MYBPC2: variants seen among roughly 807,000 people sequenced by gnomAD.
The protein encoded by MYBPC2 is myosin-binding protein C, fast-type.
Under a neutral mutation model 137.0 loss-of-function variants are expected in MYBPC2, and 122 were observed. That is an observed-to-expected ratio of 0.89 (90% CI 0.77 to 1.03). MYBPC2 has a LOEUF of 1.03. Ranked by LOEUF, MYBPC2 falls within the 50% of genes least tolerant of loss-of-function variation. MYBPC2 has a pLI of 0.00. For synonymous variants in MYBPC2, 626 were observed against 612.3 expected (o/e 1.02, Z -0.33); for missense variants, 1,500 against 1,534.4 (o/e 0.98, Z 0.37).
At chr19:50,459,031 G>A (rs1222760996) in intron 22 of MYBPC2, 25 bp downstream of exon 22, 1 of 1,591,836 alleles carries the variant, frequency 6.3e-7, no homozygotes, top group Non-Finnish European at 8.5e-7. Flanking sequence ...GTCACGGGCC[G>A]GGGGTCCGCT....
intron 12 of MYBPC2, among the ~76,000 whole-genome samples, chr19:50,447,940 C>T (rs768163314): frequency 5.3e-5 from 8 of 152,134 alleles, no homozygotes; most frequent in Non-Finnish European, 1.2e-4. Flanking sequence ...TGCCCGGCCA[C>T]CTCAGGGCCT....
chr19:50,442,190 A>C lies in MYBPC2; in HGVS notation c.779A>C (p.Lys260Thr), dbSNP rs779390330. 3 of 1,593,564 alleles carry C rather than the reference A, an allele frequency of 1.9e-6. No homozygotes were observed. The part of the protein sequence containing the change: ...VEVKKSAAFT[K>T]KLDPAYQVDR... ...ATGCCTCAATCTTCAGCATTCACAA[A>C]GAAGCTGGATCCAGCCTACCAAGTG... is the stretch of plus-strand genomic sequence containing the variant. The change falls in exon 9 of 28, where the codon AAG becomes ACG. Residue 260 changes from lysine (K) to threonine (T), a missense_variant. Lys to Thr is a moderately conservative substitution (Grantham distance 78). Transcript: ENST00000357701.
intron 7 of MYBPC2, among the ~76,000 whole-genome samples, chr19:50,439,526 A>G (rs56061698): frequency 0.32 from 46,693 of 144,334 alleles, 7,580 homozygotes; most frequent in Middle Eastern, 0.36. Flanking sequence ...CCTCCCGTCT[A>G]CTAGGTCCTG....
chr19:50,455,350 C>A, intron 19 of MYBPC2, 54 bp downstream of exon 19: 1 of 1,582,890 alleles, frequency 6.3e-7, no homozygotes, highest in African/African-American at 1.3e-5. Flanking sequence ...CACTCTGATC[C>A]ATCAACCCCG....
intron 12 of MYBPC2, among the ~76,000 whole-genome samples, chr19:50,446,773 T>C (rs1271391721): frequency 6.7e-6 from 1 of 148,780 alleles, no homozygotes; most frequent in Non-Finnish European, 1.5e-5. Flanking sequence ...TGAGCCGAGA[T>C]TGCACACTGC....
intron 20 of MYBPC2, among the ~76,000 whole-genome samples, 193 bp downstream of exon 20, chr19:50,455,837 C>G (rs772660809): frequency 6.6e-6 from 1 of 152,218 alleles, no homozygotes; most frequent in Non-Finnish European, 1.5e-5. Context: ...TTCTTCCTTT[C>G]TACATCCATC....
rs1438592417 is a variant in MYBPC2, at chr19:50,445,954, G to A, written c.1208G>A (p.Arg403His). 2.0e-5 allele frequency: 32 copies of A among 1,612,300 alleles called. No homozygotes were observed. The highest frequency in any genetic ancestry group is 1.5e-4 in the Admixed American group (9 of 59,770). ...ARYRFKKDGK[R>H]HILIFSDVVQ... ...TACCGCTTCAAGAAGGACGGGAAGC[G>A]CCACATCCTCATCTTCTCAGACGTG... Residue 403 changes from arginine to histidine, a missense_variant, in exon 12 of 28, where the codon CGC becomes CAC. Transcript: ENST00000357701.
At chr19:50,453,933 G>A in intron 16 of MYBPC2, 87 bp from the exon 17 acceptor site, 1 of 1,412,808 alleles carries the variant, frequency 7.1e-7, no homozygotes, top group Non-Finnish European at 9.5e-7. Context: ...AATCATGGGA[G>A]GATTCTGAGC....
At chr19:50,460,398 C>T (rs553674603) in intron 24 of MYBPC2, among the ~76,000 whole-genome samples, 1 of 152,208 alleles carries the variant, frequency 6.6e-6, no homozygotes, top group South Asian at 2.1e-4. Flanking sequence ...AGTCATTCAT[C>T]GTTTTAAAGC....
Position 50,448,324 on chromosome 19 carries a change from G to A in MYBPC2, c.1406G>A (p.Gly469Asp), listed in dbSNP as rs1353528402. The A allele has an allele frequency of 6.2e-7, 1 of 1,613,794 alleles. No individual in the cohort carries two copies. The highest frequency in any genetic ancestry group is 1.7e-5 in the Admixed American group (1 of 59,994). Reference sequence around the variant, plus strand: ...GAGGTGTCTGATGAGAAAGTGACGGGCAAGTGGTATAAGAATGGGGTCGAG... The same window carrying A: ...GAGGTGTCTGATGAGAAAGTGACGGACAAGTGGTATAAGAATGGGGTCGAG... ...KCEVSDEKVT[G>D]KWYKNGVEVR... The change falls in exon 13 of 28, where the codon GGC becomes GAC. Residue 469 changes from glycine (G) to aspartate (D), a missense_variant. Transcript: ENST00000357701.
chr19:50,434,200 A>C (rs1465104909), intron 1 of MYBPC2, among the ~76,000 whole-genome samples: 1 of 152,094 alleles, frequency 6.6e-6, no homozygotes, highest in Non-Finnish European at 1.5e-5. Context: ...ACTACAAAAA[A>C]TACTAAATTA....
At position 50,461,253 on chromosome 19, in the gene MYBPC2, C is replaced by T. The variant is rs542736426; in HGVS notation, c.2932-289C>T. On this transcript the variant is annotated intron_variant, in intron 24 of 27. Transcript: ENST00000357701. ...CTCCCAGGCTCAAGCGAGCCTCCCA[C>T]CTCGGCCTCCCAAAGAGCTGGGATT... is the stretch of plus-strand genomic sequence containing the variant. Among the ~76,000 whole-genome samples the T allele has an allele frequency of 5.3e-5, 8 of 152,188 alleles. No homozygotes were observed. The East Asian group carries it at 9.7e-4, about 18-fold the overall frequency.
chr19:50,459,361 A>G, intron 23 of MYBPC2, 55 bp downstream of exon 23: 1 of 667,100 alleles, frequency 1.5e-6, no homozygotes, highest in East Asian at 5.4e-5. Context: ...ATGGGCAGCG[A>G]TGGGGGAGGA....
rs561483285 is a variant in MYBPC2, at chr19:50,436,589, G to A, written c.346-28G>A. ...GGGTGGCTCTAGAGGGTGGTCCCGT[G>A]CACCCACACCCCCGGCCCTGGACCC... On this transcript the variant is annotated intron_variant, in intron 4 of 27. Transcript: ENST00000357701. 3.0e-5 allele frequency: 48 copies of A among 1,597,358 alleles called. No individual in the cohort carries two copies. The South Asian group carries it at 3.6e-4, about 12-fold the overall frequency.
At chr19:50,446,496 G>T (rs2039807191) in intron 12 of MYBPC2, among the ~76,000 whole-genome samples, 1 of 150,842 alleles carries the variant, frequency 6.6e-6, no homozygotes, top group African/African-American at 2.4e-5. Flanking sequence ...CTGGGCAACA[G>T]AGCAAGACTC....
intron 13 of MYBPC2, 112 bp downstream of exon 13, chr19:50,448,502 C>T: frequency 3.6e-6 from 5 of 1,401,056 alleles, no homozygotes; most frequent in Non-Finnish European, 4.8e-6. Context: ...GAGTTTTGCT[C>T]TTGTTGCCCA....
Position 50,450,828 on chromosome 19 carries a change from G to T in MYBPC2, c.1473-1G>T. 3 of 1,563,118 alleles carry T rather than the reference G, an allele frequency of 1.9e-6. No individual in the cohort carries two copies. Among genetic ancestry groups the T allele is most frequent in the Non-Finnish European group, 2.6e-6 (3 of 1,153,842 alleles). ...CCCTACCCTGCTCCCCCACCCCTTAGGTTCCACAAGCTGGTGATCGATGAC... is the reference window on the plus strand; with the variant it reads ...CCCTACCCTGCTCCCCCACCCCTTATGTTCCACAAGCTGGTGATCGATGAC... On this transcript the variant is annotated splice_acceptor_variant, in intron 13 of 27. Coordinates refer to ENST00000357701, the MANE Select transcript of MYBPC2 (RefSeq NM_004533.4). LOFTEE classifies it high-confidence loss of function.
At chr19:50,455,074 G>T (rs764360735) in intron 18 of MYBPC2, 34 bp from the exon 19 acceptor site, 2 of 1,574,468 alleles carry the variant, frequency 1.3e-6, no homozygotes, top group Non-Finnish European at 1.7e-6. Flanking sequence ...ATGCCCTCCC[G>T]TTCCCTCTTC....
chr19:50,443,798 AG>A lies in MYBPC2; in HGVS notation c.1118del (p.Gly373ValfsTer4). 6.2e-7 allele frequency: 1 copy of A among 1,613,820 alleles called. No homozygotes were observed. Among genetic ancestry groups the A allele is most frequent in the Non-Finnish European group, 8.5e-7 (1 of 1,179,818 alleles). ...GAAATGGCAGTGGAGGTGTCAGAAG[AG>A]GGTGCCCAGGTGATGTGGTAAGTGA... ...RVEMAVEVSE[E>X]GAQVMWMKDG... On this transcript the variant is annotated frameshift_variant, in exon 11 of 28. Coordinates refer to ENST00000357701, the MANE Select transcript of MYBPC2 (RefSeq NM_004533.4). LOFTEE classifies it high-confidence loss of function.
Sources: gnomAD v4.1 joint callset for allele counts (sites outside exome capture counted in the v4.1 genomes callset) on GRCh38, gnomAD v4.1.1 for gene constraint, MANE v1.5 for transcripts, NCBI Gene and HGNC (gene_info 2026-07-23, HGNC 2026-07-21) for gene names.